ROBO2: variants seen among roughly 807,000 people sequenced by gnomAD.
ROBO2 encodes the protein roundabout homolog 2.
Under a neutral mutation model 160.8 loss-of-function variants are expected in ROBO2, and 53 were observed. The observed-to-expected ratio is 0.33, with a 90% confidence interval of 0.26 to 0.41. The LOEUF is 0.41. Among genes scored for constraint, ROBO2 ranks in the 10% least tolerant of loss-of-function variants. ROBO2 has a pLI of 1.00. For missense variants in ROBO2, 1,577 were observed against 1,722.4 expected, an observed-to-expected ratio of 0.92 and a Z score of 1.49; for synonymous variants, 664 against 611.7, an observed-to-expected ratio of 1.09 and a Z score of -1.26.
At chr3:76,016,493 T>C (rs941933491) in intron 2 of ROBO2, among the ~76,000 whole-genome samples, 4 of 152,024 alleles carry the variant, frequency 2.6e-5, no homozygotes, top group African/African-American at 4.8e-5. Context: ...CAGACAGTTA[T>C]TTGAAGCCTG....
intron 2 of ROBO2, among the ~76,000 whole-genome samples, chr3:77,116,415 C>T (rs1183499736): frequency 5.3e-5 from 8 of 152,212 alleles, no homozygotes; most frequent in Admixed American, 3.9e-4. Context: ...TTTCTCGTTT[C>T]AGAAGAGAAC....
chr3:77,590,805 A>G (rs995329504), intron 17 of ROBO2, among the ~76,000 whole-genome samples: 4 of 152,072 alleles, frequency 2.6e-5, no homozygotes, highest in Non-Finnish European at 5.9e-5. Context: ...TTTTTTTAAC[A>G]GCAATTCTTT....
intron 2 of ROBO2, among the ~76,000 whole-genome samples, chr3:76,415,655 A>G (rs2075725709): frequency 1.3e-5 from 2 of 152,150 alleles, no homozygotes; most frequent in African/African-American, 2.4e-5. Context: ...GCAGGACAAT[A>G]TTGCTAATCG....
intron 2 of ROBO2, among the ~76,000 whole-genome samples, chr3:76,720,399 T>C (rs1423939661): frequency 6.6e-6 from 1 of 152,188 alleles, no homozygotes; most frequent in Non-Finnish European, 1.5e-5. Context: ...GTAGCATTAA[T>C]ACAAAGAAAT....
intron 5 of ROBO2, among the ~76,000 whole-genome samples, chr3:77,494,763 ATACTT>A (rs139137987): frequency 0.11 from 17,307 of 152,220 alleles, 1,025 homozygotes; most frequent in East Asian, 0.17. Context: ...ATATGATTGG[ATACTT>A]TACTTCAAAA....
chr3:76,358,087 T>C (rs975450291), intron 2 of ROBO2, among the ~76,000 whole-genome samples: 14 of 151,984 alleles, frequency 9.2e-5, no homozygotes, highest in African/African-American at 2.7e-4. Context: ...CTAAGTCTTA[T>C]GTCAAAGCCC....
intron 2 of ROBO2, among the ~76,000 whole-genome samples, chr3:76,592,954 T>C (rs558280204): frequency 5.9e-5 from 9 of 152,250 alleles, no homozygotes; most frequent in African/African-American, 1.9e-4. Flanking sequence ...GTAGTCATTA[T>C]GCCTAGCACT....
At chr3:77,455,707 G>A (rs1357831227) in intron 2 of ROBO2, among the ~76,000 whole-genome samples, 1 of 151,462 alleles carries the variant, frequency 6.6e-6, no homozygotes, top group Non-Finnish European at 1.5e-5. Context: ...TGGGATTACA[G>A]GCGTGAGCCA....
chr3:77,225,296 G>GA (rs1437397420), intron 2 of ROBO2, among the ~76,000 whole-genome samples: 2 of 151,802 alleles, frequency 1.3e-5, no homozygotes, highest in African/African-American at 4.8e-5. Flanking sequence ...TCATTGTACT[G>GA]AAAGCAAAAA....
chr3:76,756,532 T>G (rs1441026610), intron 2 of ROBO2, among the ~76,000 whole-genome samples: 1 of 151,880 alleles, frequency 6.6e-6, no homozygotes, highest in African/African-American at 2.4e-5. Flanking sequence ...GTCTTATGAT[T>G]ATGTTATTTA....
chr3:77,615,346 A>G (rs2094748097), intron 21 of ROBO2, among the ~76,000 whole-genome samples: 1 of 152,140 alleles, frequency 6.6e-6, no homozygotes, highest in Non-Finnish European at 1.5e-5. Flanking sequence ...CTGACACATC[A>G]TCATCACCTA....
At chr3:76,900,765 C>T (rs2075161745) in intron 2 of ROBO2, among the ~76,000 whole-genome samples, 1 of 152,152 alleles carries the variant, frequency 6.6e-6, no homozygotes, top group Non-Finnish European at 1.5e-5. Context: ...CATGTGACCA[C>T]ATCTGAAGCC....
At chr3:77,030,017 C>T (rs542130642) in intron 2 of ROBO2, among the ~76,000 whole-genome samples, 293 of 152,026 alleles carry the variant, frequency 1.9e-3, no homozygotes, top group Middle Eastern at 0.01. Flanking sequence ...GCGATCTCCG[C>T]TCACTGCAAG....
At chr3:77,042,118 A>G (rs866553844) in intron 1 of ROBO2, among the ~76,000 whole-genome samples, 4 of 152,188 alleles carry the variant, frequency 2.6e-5, no homozygotes, top group Middle Eastern at 3.2e-3. Context: ...GCTGTTTTCA[A>G]TCATGGACTA....
intron 2 of ROBO2, among the ~76,000 whole-genome samples, chr3:76,183,590 G>C (rs1377294550): frequency 1.3e-5 from 2 of 151,828 alleles, no homozygotes; most frequent in Non-Finnish European, 2.9e-5. Flanking sequence ...TAAGTAAAGA[G>C]CTGTCATATT....
chr3:77,238,087 T>C (rs2088358341), intron 2 of ROBO2, among the ~76,000 whole-genome samples: 1 of 151,948 alleles, frequency 6.6e-6, no homozygotes, highest in African/African-American at 2.4e-5. Flanking sequence ...ATCAGATTTT[T>C]TTTTGCTGTT....
chr3:76,323,391 A>T (rs946127448), intron 2 of ROBO2, among the ~76,000 whole-genome samples: 27 of 152,194 alleles, frequency 1.8e-4, no homozygotes, highest in Non-Finnish European at 1.5e-5. Flanking sequence ...TGAAAATGTT[A>T]GATGCATACT....
intron 2 of ROBO2, among the ~76,000 whole-genome samples, chr3:76,326,136 A>T (rs2072995199): frequency 6.6e-6 from 1 of 152,158 alleles, no homozygotes; most frequent in South Asian, 2.1e-4. Flanking sequence ...ATAGCTGTTT[A>T]CCAGTTTGAG....
chr3:76,058,580 C>G (rs1159630330), intron 2 of ROBO2, among the ~76,000 whole-genome samples: 2 of 130,110 alleles, frequency 1.5e-5, no homozygotes, highest in African/African-American at 6.0e-5. Flanking sequence ...CACGTCGAAA[C>G]AGCAGAAACT....
Sources: gnomAD v4.1 joint callset for allele counts (sites outside exome capture counted in the v4.1 genomes callset) on GRCh38, gnomAD v4.1.1 for gene constraint, MANE v1.5 for transcripts, NCBI Gene and HGNC (gene_info 2026-07-23, HGNC 2026-07-21) for gene names.